The following NUP133 variants were observed in gnomAD, a reference collection of about 807,000 sequenced individuals.
The protein encoded by NUP133 is nuclear pore complex protein Nup133.
NUP133 carries 66 observed loss-of-function variants against 146.2 expected under a neutral mutation model. The ratio of observed to expected loss-of-function variants is 0.45; its 90% CI spans 0.37 to 0.55. The LOEUF is 0.55. Among genes scored for constraint, NUP133 ranks in the 20% least tolerant of loss-of-function variants. NUP133 has a pLI of 0.00. For synonymous variants in NUP133, 521 were observed against 498.8 expected, an observed-to-expected ratio of 1.04 and a Z score of -0.59; for missense variants, 1,277 against 1,374.8, an observed-to-expected ratio of 0.93 and a Z score of 1.12.
chr1:229,490,975 A>C (rs929338649), intron 8 of NUP133, among the ~76,000 whole-genome samples: 2 of 151,868 alleles, frequency 1.3e-5, no homozygotes, highest in Non-Finnish European at 1.5e-5. Flanking sequence ...AAAAAAAACA[A>C]CTTGTGGAAT....
intron 8 of NUP133, among the ~76,000 whole-genome samples, chr1:229,490,716 A>C (rs1661489958): frequency 6.6e-6 from 1 of 152,174 alleles, no homozygotes; most frequent in Admixed American, 6.5e-5. Context: ...TAATCCCAGC[A>C]CTTTGGGAGG....
At chr1:229,467,310 C>T (rs754347800) in intron 15 of NUP133, among the ~76,000 whole-genome samples, 9 of 152,180 alleles carry the variant, frequency 5.9e-5, no homozygotes, top group Non-Finnish European at 1.3e-4. Flanking sequence ...GGCACTGAAA[C>T]TCCTGTTTCA....
intron 19 of NUP133, among the ~76,000 whole-genome samples, 200 bp from the exon 20 acceptor site, chr1:229,460,969 A>G (rs1177675085): frequency 6.6e-6 from 1 of 152,248 alleles, no homozygotes; most frequent in Non-Finnish European, 1.5e-5. Flanking sequence ...CATCTTGCTC[A>G]AGATCACTGA....
chr1:229,502,368 G>A (rs1048408619), intron 2 of NUP133, among the ~76,000 whole-genome samples: 2 of 151,756 alleles, frequency 1.3e-5, no homozygotes, highest in Non-Finnish European at 2.9e-5. Context: ...GACCATCCTG[G>A]CTAACATGGT....
chr1:229,441,465 C>A lies in NUP133; in HGVS notation c.*439G>T. On this transcript the variant is annotated 3_prime_UTR_variant, in exon 26 of 26. Coordinates refer to ENST00000261396, the MANE Select transcript of NUP133 (RefSeq NM_018230.3). ...ATCTTACTAGACATTTCCCATTAGC[C>A]CTAACTGAAACAGATATCAAACACC... 1 of 532,046 alleles carries A rather than the reference C, an allele frequency of 1.9e-6. No homozygotes were observed. Among genetic ancestry groups the A allele is most frequent in the Non-Finnish European group, 3.9e-6 (1 of 259,554 alleles). The allele number at this position is 532,046 out of a possible 1,614,324, so 33.0% of individuals were successfully genotyped here.
At position 229,441,823 on chromosome 1, in the gene NUP133, C is replaced by A. The variant is rs544633188; in HGVS notation, c.*81G>T. The A allele has an allele frequency of 1.1e-4, 124 of 1,166,456 alleles. No individual in the cohort carries two copies. In the African/African-American group the frequency reaches 1.9e-3, roughly 18 times the overall value. 72.3% of individuals were successfully genotyped at this position (1,166,456 alleles called of 1,614,324 possible). ...TATACATGTTATGAAATTGTACAAA[C>A]TTACACTTGTTTATGGCCTAAAATT... On this transcript the variant is annotated 3_prime_UTR_variant, in exon 26 of 26. Transcript: ENST00000261396.
chr1:229,475,586 T>C, intron 14 of NUP133, 52 bp downstream of exon 14: 2 of 1,330,566 alleles, frequency 1.5e-6, no homozygotes, highest in Non-Finnish European at 1.1e-6. Context: ...TCCCACTGTG[T>C]TGGAGAGACT....
At position 229,480,685 on chromosome 1, in the gene NUP133, C is replaced by G. The variant is rs545728574; in HGVS notation, c.1593-2925G>C. Among the ~76,000 whole-genome samples the G allele has an allele frequency of 5.9e-5, 9 of 152,228 alleles. No homozygotes were observed. In the South Asian group the frequency reaches 1.5e-3, roughly 25 times the overall value. On this transcript the variant is annotated intron_variant, in intron 12 of 25. Transcript: ENST00000261396. Reference sequence around the variant, plus strand: ...TTGGGGGAAAGGGTGCTAATGGCATCTAGCAGGAAGTGGCTGGTGATGCTG... The same window carrying G: ...TTGGGGGAAAGGGTGCTAATGGCATGTAGCAGGAAGTGGCTGGTGATGCTG...
intron 2 of NUP133, among the ~76,000 whole-genome samples, chr1:229,504,162 TAA>T (rs1661877386): frequency 1.3e-5 from 2 of 152,136 alleles, no homozygotes; most frequent in Middle Eastern, 3.2e-3. Context: ...TTACTGTTAT[TAA>T]GTTATACAGT....
chr1:229,478,780 G>C (rs1345527079), intron 12 of NUP133, among the ~76,000 whole-genome samples: 1 of 152,134 alleles, frequency 6.6e-6, no homozygotes, highest in African/African-American at 2.4e-5. Flanking sequence ...CATGTTATGG[G>C]GTTTGAACCT....
Position 229,441,121 on chromosome 1 carries a change from T to C in NUP133, c.*783A>G. 3.5e-6 allele frequency: 1 copy of C among 287,284 alleles called. No homozygotes were observed. The highest frequency in any genetic ancestry group is 3.6e-5 in the South Asian group (1 of 27,920). 17.8% of individuals were successfully genotyped at this position (287,284 alleles called of 1,614,324 possible). A position where few individuals can be genotyped will look rare whatever the true frequency, so the allele number is the denominator to read the frequency against. On this transcript the variant is annotated 3_prime_UTR_variant, in exon 26 of 26. Coordinates refer to ENST00000261396, the MANE Select transcript of NUP133 (RefSeq NM_018230.3). ...ATTGCCATATTAGGAAAACCTATAATGGTTTCTAGTATCATTCATGCTTTT... is the reference window on the plus strand; with the variant it reads ...ATTGCCATATTAGGAAAACCTATAACGGTTTCTAGTATCATTCATGCTTTT...
rs1433513056 is a variant in NUP133 at position 229,442,051 on chromosome 1, A to G, written c.3335-11T>C. 1 of 1,551,328 alleles carries G rather than the reference A, an allele frequency of 6.4e-7. No homozygotes were observed. Among genetic ancestry groups the G allele is most frequent in the Non-Finnish European group, 8.6e-7 (1 of 1,160,094 alleles). On this transcript the variant is annotated splice_polypyrimidine_tract_variant and intron_variant, in intron 25 of 25. Transcript: ENST00000261396. ...CACTGAGCTGAATGCCTATAAACAC[A>G]AACACAAGAAGTCATTTTTCAATTA...
At chr1:229,448,760 G>A in intron 24 of NUP133, 1 of 233,872 alleles carries the variant, frequency 4.3e-6, no homozygotes, top group Non-Finnish European at 8.3e-6. Context: ...ATTGGTAGGT[G>A]TGTTTTCCTG....
intron 12 of NUP133, among the ~76,000 whole-genome samples, chr1:229,479,803 G>A (rs867693027): frequency 2.0e-5 from 3 of 152,296 alleles, no homozygotes; most frequent in East Asian, 3.9e-4. Flanking sequence ...AAAGATCACC[G>A]AGGGAGTAGA....
intron 9 of NUP133, 104 bp downstream of exon 9, chr1:229,489,851 G>C: frequency 9.4e-7 from 1 of 1,062,896 alleles, no homozygotes; most frequent in African/African-American, 1.6e-5. Flanking sequence ...ACTCCAGCCT[G>C]GGTGACAGAG....
rs377694847 is a variant in NUP133 at position 229,472,587 on chromosome 1, T to C, written c.1852-1783A>G. 1.8e-4 allele frequency among the ~76,000 whole-genome samples: 27 copies of C among 150,272 alleles called. No homozygotes were observed. The East Asian group carries it at 3.0e-3, about 17-fold the overall frequency. On this transcript the variant is annotated intron_variant, in intron 14 of 25. Transcript: ENST00000261396. ...GTCCCAGCTACTTGGGAGGCTGAGA[T>C]GGGAAGATCACCTGAGCCCGGACAG... is the stretch of plus-strand genomic sequence containing the variant.
chr1:229,496,076 T>A, intron 6 of NUP133, 29 bp from the exon 7 acceptor site: 1 of 1,522,324 alleles, frequency 6.6e-7, no homozygotes, highest in South Asian at 1.3e-5. Context: ...GAAGTCAAAT[T>A]CACAGATTAA....
At chr1:229,461,810 T>A (rs187442250) in intron 19 of NUP133, among the ~76,000 whole-genome samples, 2 of 150,536 alleles carry the variant, frequency 1.3e-5, no homozygotes, top group East Asian at 3.9e-4. Flanking sequence ...AAAATAATTT[T>A]AAAATCATGA....
intron 7 of NUP133, 105 bp from the exon 8 acceptor site, chr1:229,495,670 G>A (rs1661638475): frequency 1.1e-6 from 1 of 922,248 alleles, no homozygotes; most frequent in African/African-American, 1.7e-5. Flanking sequence ...TAACTCAGTT[G>A]CTGAATAATG....
Sources: gnomAD v4.1 joint callset for allele counts (sites outside exome capture counted in the v4.1 genomes callset) on GRCh38, gnomAD v4.1.1 for gene constraint, MANE v1.5 for transcripts, NCBI Gene and HGNC (gene_info 2026-07-23, HGNC 2026-07-21) for gene names.